MGAT4C: variants seen among roughly 807,000 people sequenced by gnomAD.
The protein encoded by MGAT4C is MGAT4 family member C, also known as alpha-1,3-mannosyl-glycoprotein 4-beta-N-acetylglucosaminyltransferase C.
Under a neutral mutation model 40.1 loss-of-function variants are expected in MGAT4C, and 19 were observed. The observed-to-expected ratio is 0.47, with a 90% CI of 0.33 to 0.70. The LOEUF (loss-of-function observed/expected upper bound fraction) is 0.70. MGAT4C is among the 30% of genes least tolerant of loss of function. The pLI, the probability that MGAT4C is intolerant of heterozygous loss-of-function variation, is 0.02. For missense variants in MGAT4C, 491 were observed against 563.2 expected, an observed-to-expected ratio of 0.87 and a Z score of 1.30; for synonymous variants, 181 against 187.1, an observed-to-expected ratio of 0.97 and a Z score of 0.27.
At chr12:86,604,323 G>A (rs1961963389) in intron 2 of MGAT4C, among the ~76,000 whole-genome samples, 1 of 152,086 alleles carries the variant, frequency 6.6e-6, no homozygotes, top group Admixed American at 6.6e-5. Context: ...CAGGAAGGAT[G>A]ATCTGATGAC....
At chr12:86,055,391 T>G (rs75107246) in intron 1 of MGAT4C, among the ~76,000 whole-genome samples, 3 of 152,146 alleles carry the variant, frequency 2.0e-5, no homozygotes, top group African/African-American at 7.2e-5. Flanking sequence ...AGAGAATATA[T>G]GAGCTGAAAT....
chr12:86,209,129 GGAT>G (rs1435735769), intron 1 of MGAT4C, among the ~76,000 whole-genome samples: 1 of 151,882 alleles, frequency 6.6e-6, no homozygotes, highest in South Asian at 2.1e-4. Context: ...TAACAAAAAT[GGAT>G]GATATTCTTT....
At chr12:86,056,733 C>T (rs961429477) in intron 1 of MGAT4C, among the ~76,000 whole-genome samples, 2 of 152,092 alleles carry the variant, frequency 1.3e-5, no homozygotes, top group East Asian at 1.9e-4. Flanking sequence ...ATTTATAATC[C>T]GTTGGGTATA....
At chr12:86,482,769 T>C (rs1302845464) in intron 2 of MGAT4C, among the ~76,000 whole-genome samples, 1 of 152,192 alleles carries the variant, frequency 6.6e-6, no homozygotes, top group Non-Finnish European at 1.5e-5. Context: ...AATGAAATTA[T>C]AGTCATATAT....
intron 2 of MGAT4C, among the ~76,000 whole-genome samples, chr12:85,997,259 G>A (rs1886732229): frequency 6.6e-6 from 1 of 152,170 alleles, no homozygotes; most frequent in Non-Finnish European, 1.5e-5. Flanking sequence ...ACCTGCCTCT[G>A]TGATTCAATT....
rs1883030607 is a variant in MGAT4C at position 85,960,078 on chromosome 12, T to A, written c.*19211A>T. The A allele has an allele frequency of 6.6e-6, 1 of 152,036 alleles. No homozygotes were observed. The highest frequency in any genetic ancestry group is 1.5e-5 in the Non-Finnish European group (1 of 67,924). 9.4% of individuals were successfully genotyped at this position (152,036 alleles called of 1,614,324 possible). A position where few individuals can be genotyped will look rare whatever the true frequency, so the allele number is the denominator to read the frequency against. On this transcript the variant is annotated 3_prime_UTR_variant, in exon 5 of 5. Transcript: ENST00000611864. ...ACGGACTACATTGATTAGAGTCTAA[T>A]TTTTGGAAAGTATACTTCGCCTTTT...
At chr12:86,749,750 A>C (rs903827465) in intron 1 of MGAT4C, among the ~76,000 whole-genome samples, 2 of 151,754 alleles carry the variant, frequency 1.3e-5, no homozygotes, top group African/African-American at 4.8e-5. Context: ...TCACTGCATA[A>C]ATTTTAATGA....
intron 2 of MGAT4C, among the ~76,000 whole-genome samples, chr12:86,590,090 G>T (rs1961259262): frequency 6.6e-6 from 1 of 150,804 alleles, no homozygotes; most frequent in South Asian, 2.1e-4. Flanking sequence ...GAGTACAGCT[G>T]TGTGAATTAA....
chr12:86,637,495 G>A (rs1051827646), intron 2 of MGAT4C, among the ~76,000 whole-genome samples: 1 of 151,896 alleles, frequency 6.6e-6, no homozygotes, highest in Admixed American at 6.6e-5. Flanking sequence ...AATCAGGCCA[G>A]ATTTATAAAG....
intron 2 of MGAT4C, among the ~76,000 whole-genome samples, chr12:86,631,237 G>A (rs1471303105): frequency 6.6e-6 from 1 of 152,084 alleles, no homozygotes; most frequent in Non-Finnish European, 1.5e-5. Context: ...ACAAACCACT[G>A]CTCAATGAAA....
At chr12:86,733,480 A>G (rs1321929016) in intron 1 of MGAT4C, among the ~76,000 whole-genome samples, 1 of 152,166 alleles carries the variant, frequency 6.6e-6, no homozygotes, top group African/African-American at 2.4e-5. Context: ...GAAAGCAAGC[A>G]GATGTTGAAA....
At chr12:86,085,083 T>C (rs1448597412) in intron 1 of MGAT4C, among the ~76,000 whole-genome samples, 1 of 152,068 alleles carries the variant, frequency 6.6e-6, no homozygotes, top group African/African-American at 2.4e-5. Context: ...AATTTCTATT[T>C]CAAAATATCT....
intron 2 of MGAT4C, among the ~76,000 whole-genome samples, chr12:86,725,772 C>T (rs1348380095): frequency 1.3e-5 from 2 of 152,066 alleles, no homozygotes; most frequent in African/African-American, 4.8e-5. Flanking sequence ...CCAGCGCCCC[C>T]TTTTTATTTT....
chr12:86,069,232 A>C (rs1894849544), intron 1 of MGAT4C, among the ~76,000 whole-genome samples: 1 of 152,182 alleles, frequency 6.6e-6, no homozygotes, highest in Non-Finnish European at 1.5e-5. Context: ...TATTATTTTA[A>C]TAAGTATCTC....
chr12:86,476,459 A>T (rs1167093598), intron 2 of MGAT4C, among the ~76,000 whole-genome samples: 1 of 152,148 alleles, frequency 6.6e-6, no homozygotes, highest in Non-Finnish European at 1.5e-5. Context: ...ATAAAAGGGA[A>T]AGCTTATATA....
intron 2 of MGAT4C, among the ~76,000 whole-genome samples, chr12:86,510,856 C>A (rs1478805510): frequency 3.3e-5 from 5 of 151,948 alleles, no homozygotes; most frequent in African/African-American, 4.8e-5. Flanking sequence ...CCTGGGTGAC[C>A]TACAAAGAGA....
chr12:86,070,895 TC>T (rs531067221), intron 1 of MGAT4C, among the ~76,000 whole-genome samples: 313 of 152,132 alleles, frequency 2.1e-3, no homozygotes, highest in African/African-American at 7.2e-3. Flanking sequence ...AACAGCACGT[TC>T]CTAATTTGCC....
chr12:86,458,252 ATGT>A (rs1221929793), intron 2 of MGAT4C, among the ~76,000 whole-genome samples: 1 of 152,156 alleles, frequency 6.6e-6, no homozygotes, highest in East Asian at 1.9e-4. Context: ...AAAAATTTTT[ATGT>A]TGTTCTACAT....
chr12:86,444,954 A>G (rs1957307303), intron 2 of MGAT4C, among the ~76,000 whole-genome samples: 1 of 152,238 alleles, frequency 6.6e-6, no homozygotes, highest in African/African-American at 2.4e-5. Flanking sequence ...CTTCATTTAT[A>G]TAAGATTCTA....
Sources: allele counts gnomAD v4.1 joint callset (sites outside exome capture counted in the v4.1 genomes callset), GRCh38; gene constraint gnomAD v4.1.1; transcripts MANE v1.5; gene names NCBI Gene and HGNC (gene_info 2026-07-23, HGNC 2026-07-21).